Variants in ENOX1 observed in about 807,000 individuals in gnomAD.
ENOX1 encodes candidate growth-related and time keeping constitutive hydroquinone (NADH) oxidase.
ENOX1 carries 42 observed loss-of-function variants against 82.5 expected under a neutral mutation model. The ratio of observed to expected loss-of-function variants is 0.51; its 90% confidence interval spans 0.40 to 0.66. The LOEUF (loss-of-function observed/expected upper bound fraction) is 0.66. ENOX1 is among the 30% of genes least tolerant of loss of function. The pLI is 0.00. For missense variants in ENOX1, 608 were observed against 811.6 expected, an observed-to-expected ratio of 0.75 and a Z score of 3.05; for synonymous variants, 271 against 282.2, an observed-to-expected ratio of 0.96 and a Z score of 0.40.
At chr13:43,576,275 C>T (rs1338961633) in intron 2 of ENOX1, among the ~76,000 whole-genome samples, 1 of 152,200 alleles carries the variant, frequency 6.6e-6, no homozygotes, top group Non-Finnish European at 1.5e-5. Flanking sequence ...CTTCCTACTT[C>T]TGTCTTCCTA....
intron 2 of ENOX1, among the ~76,000 whole-genome samples, chr13:43,632,012 T>G (rs7985489): frequency 3.9e-5 from 6 of 152,000 alleles, no homozygotes; most frequent in Non-Finnish European, 7.4e-5. Flanking sequence ...CACCCAATAT[T>G]CATCAGCTGT....
intron 9 of ENOX1, among the ~76,000 whole-genome samples, chr13:43,338,273 G>C (rs143504257): frequency 4.7e-4 from 71 of 152,320 alleles, no homozygotes; most frequent in African/African-American, 1.6e-3. Context: ...GTTCATAACT[G>C]AGAAACTGAA....
chr13:43,661,269 T>C (rs1266145376), intron 2 of ENOX1, among the ~76,000 whole-genome samples: 1 of 152,162 alleles, frequency 6.6e-6, no homozygotes, highest in Non-Finnish European at 1.5e-5. Context: ...TGACTTTAAT[T>C]GGATGGATAT....
intron 2 of ENOX1, among the ~76,000 whole-genome samples, chr13:43,549,863 T>C (rs769859066): frequency 6.6e-5 from 10 of 152,184 alleles, no homozygotes; most frequent in African/African-American, 1.7e-4. Context: ...GAATTCCACA[T>C]TCAGGTCCCA....
chr13:43,759,253 C>T (rs556331619), intron 1 of ENOX1, among the ~76,000 whole-genome samples: 82 of 152,010 alleles, frequency 5.4e-4, no homozygotes, highest in Non-Finnish European at 9.7e-4. Context: ...CCTGCCACCA[C>T]GCCCGGCTAA....
At chr13:43,769,291 C>T (rs1475640206) in intron 1 of ENOX1, among the ~76,000 whole-genome samples, 2 of 152,174 alleles carry the variant, frequency 1.3e-5, no homozygotes, top group African/African-American at 2.4e-5. Flanking sequence ...GCTACTATAG[C>T]GAATAGCACC....
intron 2 of ENOX1, among the ~76,000 whole-genome samples, chr13:43,577,627 T>A (rs1254855366): frequency 6.6e-6 from 1 of 152,182 alleles, no homozygotes; most frequent in East Asian, 1.9e-4. Flanking sequence ...AACCCATTCA[T>A]GAGAATGAAG....
chr13:43,327,964 A>G (rs1489715511), intron 9 of ENOX1, among the ~76,000 whole-genome samples: 2 of 152,206 alleles, frequency 1.3e-5, no homozygotes, highest in Non-Finnish European at 2.9e-5. Context: ...GGAGAATCCC[A>G]ACCCCAAATC....
chr13:43,522,151 TAG>T (rs2153683423), intron 2 of ENOX1, among the ~76,000 whole-genome samples: 1 of 152,212 alleles, frequency 6.6e-6, no homozygotes, highest in African/African-American at 2.4e-5. Flanking sequence ...TATTTAAAAG[TAG>T]AGAGACTGAA....
At chr13:43,763,705 A>G (rs1951117099) in intron 1 of ENOX1, among the ~76,000 whole-genome samples, 1 of 152,206 alleles carries the variant, frequency 6.6e-6, no homozygotes, top group Admixed American at 6.5e-5. Context: ...TAATACTCCA[A>G]CTTGAATAGA....
intron 15 of ENOX1, 56 bp downstream of exon 15, chr13:43,236,575 ATTAAG>A (rs1200239229): frequency 9.9e-7 from 1 of 1,013,074 alleles, no homozygotes; most frequent in African/African-American, 1.7e-5. Flanking sequence ...TAACTAAAAT[ATTAAG>A]TTAATTACCT....
intron 2 of ENOX1, among the ~76,000 whole-genome samples, chr13:43,607,348 A>C (rs954906447): frequency 6.6e-6 from 1 of 152,124 alleles, no homozygotes; most frequent in African/African-American, 2.4e-5. Flanking sequence ...TTATTAATGA[A>C]GCTTTCTGTT....
chr13:43,301,450 A>G (rs1266241664), intron 11 of ENOX1, among the ~76,000 whole-genome samples: 9 of 152,118 alleles, frequency 5.9e-5, no homozygotes, highest in African/African-American at 2.2e-4. Flanking sequence ...GGTACTGCTG[A>G]GAGTTCTTAT....
intron 14 of ENOX1, among the ~76,000 whole-genome samples, chr13:43,245,538 C>T (rs541315252): frequency 6.6e-6 from 1 of 152,174 alleles, no homozygotes; most frequent in Non-Finnish European, 1.5e-5. Context: ...CTTATGGGAA[C>T]ATAAGAATGC....
At chr13:43,582,004 T>G (rs1422103121) in intron 2 of ENOX1, among the ~76,000 whole-genome samples, 5 of 152,188 alleles carry the variant, frequency 3.3e-5, no homozygotes, top group Non-Finnish European at 5.9e-5. Flanking sequence ...GAACACACCT[T>G]CTTTTCCAAT....
In ENOX1 at chr13:43,616,158, ATATC is replaced by A. The variant is rs1229820776; in HGVS notation, c.-219+51317_-219+51320del. On this transcript the variant is annotated intron_variant, in intron 2 of 16. Transcript: ENST00000690772. ...TCTATCTAGATATCTATATAGATAG[ATATC>A]TATCTATCTATCTATCTATCTATCT... Among the ~76,000 whole-genome samples, 4 of 6,646 alleles carry A rather than the reference ATATC, an allele frequency of 6.0e-4. 2 individuals are homozygous for A. Among genetic ancestry groups the A allele is most frequent in the African/African-American group, 1.2e-3 (4 of 3,326 alleles). The allele number at this position is 6,646 out of a possible 152,430, so 4.4% of individuals were successfully genotyped here.
chr13:43,783,126 T>G (rs189294934), intron 1 of ENOX1, among the ~76,000 whole-genome samples: 192 of 152,272 alleles, frequency 1.3e-3, no homozygotes, highest in African/African-American at 3.9e-3. Context: ...TGTTGAAAAT[T>G]CACACAGAAT....
chr13:43,590,920 G>T (rs1287012684), intron 2 of ENOX1, among the ~76,000 whole-genome samples: 1 of 152,080 alleles, frequency 6.6e-6, no homozygotes, highest in Admixed American at 6.5e-5. Context: ...TGTTCCAATA[G>T]TAACCAGGAA....
At chr13:43,539,539 C>A (rs2078619730) in intron 2 of ENOX1, among the ~76,000 whole-genome samples, 1 of 152,060 alleles carries the variant, frequency 6.6e-6, no homozygotes, top group Non-Finnish European at 1.5e-5. Context: ...AAATTATGAT[C>A]AACTTTTAAT....
Sources: gnomAD v4.1 joint callset for allele counts (sites outside exome capture counted in the v4.1 genomes callset) on GRCh38, gnomAD v4.1.1 for gene constraint, MANE v1.5 for transcripts, NCBI Gene and HGNC (gene_info 2026-07-23, HGNC 2026-07-21) for gene names.